ZNF212: variants seen among roughly 807,000 people sequenced by gnomAD.
ZNF212 encodes the protein Zinc finger protein C2H2-150.
Under a neutral mutation model 47.3 loss-of-function variants are expected in ZNF212, and 32 were observed. The ratio of observed to expected loss-of-function variants is 0.68; its 90% confidence interval spans 0.51 to 0.91. The LOEUF (loss-of-function observed/expected upper bound fraction) is 0.91. Ranked by LOEUF, ZNF212 falls within the 40% of genes least tolerant of loss-of-function variation. The probability of loss-of-function intolerance (pLI) is 0.00; values close to 1 mark genes in which losing one functional copy is unlikely to be tolerated. For synonymous variants in ZNF212, 242 were observed against 253.8 expected (o/e 0.95, Z 0.44); for missense variants, 555 against 622.8 (o/e 0.89, Z 1.16).
At position 149,249,633 on chromosome 7, in the gene ZNF212, CT is replaced by C. The variant is rs1796724934; in HGVS notation, c.25-521del. 5.5e-5 allele frequency among the ~76,000 whole-genome samples: 8 copies of C among 146,752 alleles called. No individual in the cohort carries two copies. The South Asian group carries it at 1.7e-3, about 30-fold the overall frequency. Reference sequence around the variant, plus strand: ...CAAAATTCAAACAGCTTCTTTCTTTCTTTTTCTTTTTTGAGACAGGGTCTCA... The same window carrying C: ...CAAAATTCAAACAGCTTCTTTCTTTCTTTTCTTTTTTGAGACAGGGTCTCA... On this transcript the variant is annotated intron_variant, in intron 1 of 4. Coordinates refer to ENST00000335870, the MANE Select transcript of ZNF212 (RefSeq NM_012256.4).
chr7:149,251,189 T>A (rs1433105566), intron 3 of ZNF212: 1 of 263,032 alleles, frequency 3.8e-6, no homozygotes, highest in African/African-American at 2.3e-5. Flanking sequence ...TCTTTTTTTT[T>A]TCTTTTTTTC....
chr7:149,246,038 TTG>T (rs1796671419), intron 1 of ZNF212, among the ~76,000 whole-genome samples: 1 of 152,214 alleles, frequency 6.6e-6, no homozygotes, highest in African/African-American at 2.4e-5. Flanking sequence ...TGTAAGGTGG[TTG>T]TGTTTTCATT....
At chr7:149,251,738 C>T (rs987588149) in intron 3 of ZNF212, among the ~76,000 whole-genome samples, 19 of 151,922 alleles carry the variant, frequency 1.3e-4, no homozygotes, top group East Asian at 7.8e-4. Context: ...GATCCACCCA[C>T]GTCGGCCTCC....
rs761393764 is a variant in ZNF212, at chr7:149,239,789, C to T, written c.11C>T (p.Ser4Leu). MAE[S>L]APARHRRKRR... ...GGGGCGACTGGAGCCATGGCGGAGT[C>T]GGCGCCTGCTCGGGTAAAGAGGCAC... The change falls in exon 1 of 5, where the codon TCG (serine) becomes TTG (leucine). Residue 4 changes from serine (S) to leucine (L), a missense_variant. By Grantham distance (145) the Ser-to-Leu change is moderately radical. Transcript: ENST00000335870. The T allele has an allele frequency of 2.4e-6, 3 of 1,274,062 alleles. No homozygotes were observed. The highest frequency in any genetic ancestry group is 3.0e-6 in the Non-Finnish European group (3 of 1,002,398). The allele number at this position is 1,274,062 out of a possible 1,614,324, so 78.9% of individuals were successfully genotyped here. A position where few individuals can be genotyped will look rare whatever the true frequency, so the allele number is the denominator to read the frequency against.
In ZNF212 at chr7:149,253,213, T is replaced by A. The variant is rs533768677; in HGVS notation, c.632-346T>A. On this transcript the variant is annotated intron_variant, in intron 4 of 4. Transcript: ENST00000335870. ...GTAGGTTTAGTTTGTCTTTAATCAT[T>A]CAAATTTGTTATTTTAACACTCTTA... is the stretch of plus-strand genomic sequence containing the variant. Among the ~76,000 whole-genome samples the A allele has an allele frequency of 7.9e-5, 12 of 152,258 alleles. No individual in the cohort carries two copies. In the South Asian group the frequency reaches 2.5e-3, roughly 32 times the overall value.
At chr7:149,248,615 A>C (rs956567129) in intron 1 of ZNF212, among the ~76,000 whole-genome samples, 1 of 152,240 alleles carries the variant, frequency 6.6e-6, no homozygotes, top group Non-Finnish European at 1.5e-5. Flanking sequence ...TCTCACCTAC[A>C]TTCCTGTCTA....
Position 149,254,100 on chromosome 7 carries a change from C to T in ZNF212, c.1173C>T (p.His391=), listed in dbSNP as rs142851116. The T allele has an allele frequency of 1.2e-6, 2 of 1,613,350 alleles. No individual in the cohort carries two copies. The highest frequency in any genetic ancestry group is 2.7e-5 in the African/African-American group (2 of 75,022). The part of the protein sequence containing the change: ...KVSLVTHQRC[H]LQEGPSAGQH... ...GCCTGGTGACCCATCAGCGTTGCCA[C>T]CTGCAGGAGGGGCCCAGTGCCGGCC... Residue 391 remains histidine, a synonymous_variant, in exon 5 of 5, where the codon CAC becomes CAT. Transcript: ENST00000335870. The surrounding 1 kb of genome is among the most constrained non-coding windows in gnomAD (Gnocchi z 4.5).
In ZNF212 at chr7:149,242,943, CAA is replaced by C. The variant is rs1237157725; in HGVS notation, c.24+3142_24+3143del. 3.3e-5 allele frequency among the ~76,000 whole-genome samples: 5 copies of C among 151,820 alleles called. No homozygotes were observed. The East Asian group carries it at 9.7e-4, about 29-fold the overall frequency. ...AAGAAAAAATTAATGTAAAAGAAGA[CAA>C]GAAAGTAGAGAAGAAAGATGGGATA... On this transcript the variant is annotated intron_variant, in intron 1 of 4. Transcript: ENST00000335870.
rs775777284 is a variant in ZNF212, at chr7:149,253,988, G to C, written c.1061G>C (p.Arg354Thr). The C allele has an allele frequency of 5.0e-6, 8 of 1,613,956 alleles. No homozygotes were observed. In the Admixed American group the frequency reaches 5.0e-5, roughly 10 times the overall value. Reference sequence around the variant, plus strand: ...CCTGAGGAGCCAGAGGAGAGCCTTAGGCCCAGGCCACGGCTGAAACCACAG... The same window carrying C: ...CCTGAGGAGCCAGAGGAGAGCCTTACGCCCAGGCCACGGCTGAAACCACAG... ...CTPEEPEESL[R>T]PRPRLKPQTK... Residue 354 changes from arginine (R) to threonine (T), a missense_variant, in exon 5 of 5, where the codon AGG becomes ACG. Arg to Thr is a moderately conservative substitution (Grantham distance 71). Transcript: ENST00000335870.
At chr7:149,248,821 GT>G (rs1227183558) in intron 1 of ZNF212, among the ~76,000 whole-genome samples, 3 of 152,204 alleles carry the variant, frequency 2.0e-5, no homozygotes, top group African/African-American at 7.2e-5. Context: ...TTTGTCTCAT[GT>G]GTTCCATGAT....
Position 149,250,554 on chromosome 7 carries a change from C to A in ZNF212, c.414+6C>A, listed in dbSNP as rs1796737979. 1.2e-6 allele frequency: 2 copies of A among 1,608,244 alleles called. No individual in the cohort carries two copies. The highest frequency in any genetic ancestry group is 1.7e-6 in the Non-Finnish European group (2 of 1,177,080). Reference sequence around the variant, plus strand: ...GCAAGGGGGAGGCCCCCAAGGTAGTCTCATTGAGGATTAAAAGTTAGAAGA... The same window carrying A: ...GCAAGGGGGAGGCCCCCAAGGTAGTATCATTGAGGATTAAAAGTTAGAAGA... On this transcript the variant is annotated splice_donor_region_variant and intron_variant, in intron 2 of 4. Coordinates refer to ENST00000335870, the MANE Select transcript of ZNF212 (RefSeq NM_012256.4).
At chr7:149,243,120 G>A (rs577795232) in intron 1 of ZNF212, among the ~76,000 whole-genome samples, 15 of 152,302 alleles carry the variant, frequency 9.8e-5, no homozygotes, top group African/African-American at 1.4e-4. Flanking sequence ...CCGGCTGGGC[G>A]TGGTGGCTCA....
chr7:149,253,556 C>T lies in ZNF212; in HGVS notation c.632-3C>T, dbSNP rs1157698452. 3 of 1,592,118 alleles carry T rather than the reference C, an allele frequency of 1.9e-6. No individual in the cohort carries two copies. Among genetic ancestry groups the T allele is most frequent in the Admixed American group, 1.7e-5 (1 of 58,600 alleles). The stretch of plus-strand genomic sequence containing the variant: ...TTTTTGTTGGTCTTCTTCCACTTTG[C>T]AGCAGGTGGGGTCATGATCAAACAG... On this transcript the variant is annotated splice_region_variant and splice_polypyrimidine_tract_variant and intron_variant, in intron 4 of 4. Transcript: ENST00000335870.
intron 4 of ZNF212, among the ~76,000 whole-genome samples, chr7:149,253,056 C>G (rs1457048136): frequency 6.6e-6 from 1 of 152,128 alleles, no homozygotes. Context: ...AGGCGGTAGT[C>G]AAAACCTGCT....
Position 149,250,446 on chromosome 7 carries a change from T to C in ZNF212, c.312T>C (p.Tyr104=), listed in dbSNP as rs750103124. The change falls in exon 2 of 5, where the codon TAT becomes TAC. Residue 104 remains tyrosine, a synonymous_variant. Coordinates refer to ENST00000335870, the MANE Select transcript of ZNF212 (RefSeq NM_012256.4). Reference sequence around the variant, plus strand: ...TGCTGGGGACCCTGCTGCAGGAGTATGGGCTACTGCAGAGGCGGCTGGAGA... The same window carrying C: ...TGCTGGGGACCCTGCTGCAGGAGTACGGGCTACTGCAGAGGCGGCTGGAGA... ...WAVLGTLLQE[Y]GLLQRRLENV... The C allele has an allele frequency of 5.6e-6, 9 of 1,613,916 alleles. No homozygotes were observed. The highest frequency in any genetic ancestry group is 3.3e-5 in the South Asian group (3 of 91,076).
Position 149,239,677 on chromosome 7 carries a change from G to GCGA in ZNF212, c.-100_-99insACG. The GCGA allele has an allele frequency of 7.8e-7, 1 of 1,276,112 alleles. No homozygotes were observed. The allele number at this position is 1,276,112 out of a possible 1,614,324, so 79.0% of individuals were successfully genotyped here. On this transcript the variant is annotated 5_prime_UTR_variant, in exon 1 of 5. Coordinates refer to ENST00000335870, the MANE Select transcript of ZNF212 (RefSeq NM_012256.4). Reference sequence around the variant, plus strand: ...GAATGCACCTGGCATCAACACGGCGGCGGCGGCGGCGGCTTCCAACAGGCT... The same window carrying GCGA: ...GAATGCACCTGGCATCAACACGGCGGCGACGGCGGCGGCGGCTTCCAACAGGCT...
chr7:149,240,395 C>A (rs1264972083), intron 1 of ZNF212, among the ~76,000 whole-genome samples: 1 of 138,590 alleles, frequency 7.2e-6, no homozygotes, highest in African/African-American at 2.7e-5. Context: ...CCCCCCCCAA[C>A]ACCCCCCTCC....
At chr7:149,244,198 G>C (rs558926780) in intron 1 of ZNF212, among the ~76,000 whole-genome samples, 10 of 152,338 alleles carry the variant, frequency 6.6e-5, no homozygotes, top group Admixed American at 3.3e-4. Context: ...GCCTCCCAAA[G>C]GGTTGGGGTT....
At position 149,239,700 on chromosome 7, in the gene ZNF212, G is replaced by T; in HGVS notation, c.-79G>T. 4 of 1,178,458 alleles carry T rather than the reference G, an allele frequency of 3.4e-6. No individual in the cohort carries two copies. Among genetic ancestry groups the T allele is most frequent in the Non-Finnish European group, 4.3e-6 (4 of 920,254 alleles). 73.0% of individuals were successfully genotyped at this position (1,178,458 alleles called of 1,614,324 possible). ...CGGCGGCGGCGGCGGCTTCCAACAG[G>T]CTCTGGGGCGCCGAGCGGACAGGAA... On this transcript the variant is annotated 5_prime_UTR_variant, in exon 1 of 5. Coordinates refer to ENST00000335870, the MANE Select transcript of ZNF212 (RefSeq NM_012256.4).
Sources: allele counts gnomAD v4.1 joint callset (sites outside exome capture counted in the v4.1 genomes callset), GRCh38; gene constraint gnomAD v4.1.1; non-coding constraint Gnocchi (gnomAD v3.1); transcripts MANE v1.5; gene names NCBI Gene and HGNC (gene_info 2026-07-23, HGNC 2026-07-21).